The following NAALADL2 variants were observed in gnomAD, a reference collection of about 807,000 sequenced individuals.
The protein encoded by NAALADL2 is inactive N-acetylated-alpha-linked acidic dipeptidase-like protein 2.
Under a neutral mutation model 87.2 loss-of-function variants are expected in NAALADL2, and 76 were observed. That is an observed-to-expected ratio of 0.87 (90% confidence interval 0.72 to 1.05). NAALADL2 has a LOEUF of 1.05. NAALADL2 is among the 50% of genes least tolerant of loss of function. The pLI, the probability that NAALADL2 is intolerant of heterozygous loss-of-function variation, is 0.00. For synonymous variants in NAALADL2, 354 were observed against 331.0 expected, an observed-to-expected ratio of 1.07 and a Z score of -0.75; for missense variants, 1,089 against 945.8, an observed-to-expected ratio of 1.15 and a Z score of -1.99.
Position 175,720,971 on chromosome 3 carries a change from G to C in NAALADL2, c.1897-16335G>C, listed in dbSNP as rs530067143. Among the ~76,000 whole-genome samples the C allele has an allele frequency of 4.6e-5, 7 of 152,172 alleles. No individual in the cohort carries two copies. In the South Asian group the frequency reaches 1.2e-3, roughly 27 times the overall value. On this transcript the variant is annotated intron_variant, in intron 11 of 13. Coordinates refer to ENST00000454872, the MANE Select transcript of NAALADL2 (RefSeq NM_207015.3). ...CTGTTATGATAATGCAAGGATAAAAGAACTAATGGTGTGCCAAAAAATGGT... is the reference window on the plus strand; with the variant it reads ...CTGTTATGATAATGCAAGGATAAAACAACTAATGGTGTGCCAAAAAATGGT...
At chr3:175,718,195 G>GTGT in intron 11 of NAALADL2, 7 of 822,736 alleles carry the variant, frequency 8.5e-6, no homozygotes, top group Admixed American at 3.6e-5. Flanking sequence ...AGGGCCTGTG[G>GTGT]TTTTTTTTTT....
At chr3:174,578,142 T>C (rs1418094693) in intron 2 of NAALADL2, among the ~76,000 whole-genome samples, 3 of 151,990 alleles carry the variant, frequency 2.0e-5, no homozygotes, top group African/African-American at 7.2e-5. Context: ...TGTGGAACAA[T>C]GCTATGAGTC....
intron 1 of NAALADL2, among the ~76,000 whole-genome samples, chr3:174,945,380 T>G (rs1191022905): frequency 6.6e-6 from 1 of 152,174 alleles, no homozygotes; most frequent in Non-Finnish European, 1.5e-5. Flanking sequence ...TTGATGCATA[T>G]TTTCTGCTCT....
At chr3:174,473,210 C>T (rs1717012537) in intron 1 of NAALADL2, among the ~76,000 whole-genome samples, 1 of 152,116 alleles carries the variant, frequency 6.6e-6, no homozygotes. Flanking sequence ...CCAACTCCTC[C>T]CTGCCCTCCC....
intron 6 of NAALADL2, among the ~76,000 whole-genome samples, chr3:175,451,706 T>C (rs988644873): frequency 6.6e-6 from 1 of 152,144 alleles, no homozygotes; most frequent in African/African-American, 2.4e-5. Flanking sequence ...TGTTTACATG[T>C]TGCTTAAAAC....
At chr3:174,573,723 T>G (rs1234328992) in intron 2 of NAALADL2, among the ~76,000 whole-genome samples, 2 of 152,026 alleles carry the variant, frequency 1.3e-5, no homozygotes, top group Non-Finnish European at 2.9e-5. Flanking sequence ...TTTTAGCAAT[T>G]AATTCTAGCA....
chr3:174,786,186 C>A (rs1560223773), intron 3 of NAALADL2, among the ~76,000 whole-genome samples: 1 of 152,096 alleles, frequency 6.6e-6, no homozygotes, highest in Non-Finnish European at 1.5e-5. Flanking sequence ...CATGGTGACT[C>A]ACGCCTGTAA....
chr3:175,734,286 G>T (rs1405657195), intron 11 of NAALADL2, among the ~76,000 whole-genome samples: 1 of 152,124 alleles, frequency 6.6e-6, no homozygotes, highest in Non-Finnish European at 1.5e-5. Flanking sequence ...TGGGCGCGGT[G>T]GCTCACACCT....
chr3:174,886,746 A>G (rs1730201059), intron 1 of NAALADL2, among the ~76,000 whole-genome samples: 2 of 152,214 alleles, frequency 1.3e-5, no homozygotes, highest in Admixed American at 1.3e-4. Context: ...TATTAGGTGA[A>G]GTTGATAATA....
chr3:175,197,673 C>A (rs954596378), intron 2 of NAALADL2, among the ~76,000 whole-genome samples: 1 of 151,946 alleles, frequency 6.6e-6, no homozygotes, highest in Non-Finnish European at 1.5e-5. Flanking sequence ...ACTCTATACA[C>A]CAGGCATTCT....
At chr3:174,587,029 C>T (rs892671038) in intron 2 of NAALADL2, among the ~76,000 whole-genome samples, 9 of 150,038 alleles carry the variant, frequency 6.0e-5, no homozygotes, top group East Asian at 2.0e-4. Flanking sequence ...TACTCCACCC[C>T]GTGTCCAAGT....
At chr3:174,936,544 C>A (rs1053892226) in intron 1 of NAALADL2, among the ~76,000 whole-genome samples, 5 of 151,912 alleles carry the variant, frequency 3.3e-5, no homozygotes, top group African/African-American at 1.2e-4. Flanking sequence ...AAAATTAAAC[C>A]CAAAGGTTCT....
intron 11 of NAALADL2, among the ~76,000 whole-genome samples, chr3:175,644,440 A>G (rs1054558644): frequency 2.6e-5 from 4 of 152,008 alleles, no homozygotes; most frequent in African/African-American, 9.7e-5. Flanking sequence ...ACTGAGGATA[A>G]TTGTGATGAT....
At chr3:174,465,854 A>C (rs749268340) in intron 1 of NAALADL2, among the ~76,000 whole-genome samples, 3 of 151,966 alleles carry the variant, frequency 2.0e-5, no homozygotes, top group Non-Finnish European at 4.4e-5. Flanking sequence ...CCATTTTCTT[A>C]ATACCTCCAT....
intron 2 of NAALADL2, among the ~76,000 whole-genome samples, chr3:174,676,269 G>T (rs1251602620): frequency 6.6e-6 from 1 of 152,026 alleles, no homozygotes; most frequent in Non-Finnish European, 1.5e-5. Flanking sequence ...ATAAGTGTGG[G>T]AACACTGGCC....
intron 1 of NAALADL2, among the ~76,000 whole-genome samples, chr3:174,947,201 G>T (rs1055166338): frequency 6.6e-6 from 1 of 152,118 alleles, no homozygotes; most frequent in Non-Finnish European, 1.5e-5. Flanking sequence ...ATTCTGGTCA[G>T]GTTGTAGGTT....
chr3:174,915,835 A>G (rs1451317367), intron 1 of NAALADL2, among the ~76,000 whole-genome samples: 2 of 152,148 alleles, frequency 1.3e-5, no homozygotes, highest in East Asian at 3.8e-4. Context: ...CATGGCTAAG[A>G]CTACAAAAGC....
At chr3:174,820,803 T>A (rs1297567153) in intron 3 of NAALADL2, among the ~76,000 whole-genome samples, 1 of 152,108 alleles carries the variant, frequency 6.6e-6, no homozygotes, top group Non-Finnish European at 1.5e-5. Context: ...ATTATATTAT[T>A]TTCTGTTATT....
intron 1 of NAALADL2, among the ~76,000 whole-genome samples, chr3:174,922,376 C>T (rs1453564482): frequency 6.6e-6 from 1 of 150,986 alleles, no homozygotes; most frequent in East Asian, 1.9e-4. Flanking sequence ...TAATTTTAGA[C>T]TTGCTTAAAA....
Sources: allele counts gnomAD v4.1 joint callset (sites outside exome capture counted in the v4.1 genomes callset), GRCh38; gene constraint gnomAD v4.1.1; transcripts MANE v1.5; gene names NCBI Gene and HGNC (gene_info 2026-07-23, HGNC 2026-07-21).